ECPAS: variants seen among roughly 807,000 people sequenced by gnomAD.
ECPAS encodes proteasome adapter and scaffold protein ECM29.
Under a neutral mutation model 255.1 loss-of-function variants are expected in ECPAS, and 70 were observed. The ratio of observed to expected loss-of-function variants is 0.27; its 90% CI spans 0.23 to 0.33. The LOEUF (loss-of-function observed/expected upper bound fraction) is 0.33. ECPAS is among the 10% of genes least tolerant of loss of function. ECPAS has a pLI of 1.00. For missense variants in ECPAS, 1,817 were observed against 2,206.4 expected, an observed-to-expected ratio of 0.82 and a Z score of 3.54; for synonymous variants, 784 against 775.0, an observed-to-expected ratio of 1.01 and a Z score of -0.19.
At chr9:111,435,679 CTTTTT>C (rs1163482272) in intron 7 of ECPAS, among the ~76,000 whole-genome samples, 1 of 132,598 alleles carries the variant, frequency 7.5e-6, no homozygotes. Flanking sequence ...TTCAGTAAAT[CTTTTT>C]TTTTTTTTTT....
intron 7 of ECPAS, 121 bp from the exon 8 acceptor site, chr9:111,433,493 G>C (rs1294469439): frequency 1.1e-6 from 1 of 924,706 alleles, no homozygotes; most frequent in Non-Finnish European, 1.7e-6. Flanking sequence ...AACAGTAGCA[G>C]CTCCTACTTA....
chr9:111,481,707 T>C (rs2098305559), intron 1 of ECPAS, among the ~76,000 whole-genome samples: 1 of 152,138 alleles, frequency 6.6e-6, no homozygotes, highest in African/African-American at 2.4e-5. Flanking sequence ...CAAGTGTCCA[T>C]AGACAGATAG....
chr9:111,411,469 C>T (rs2098194326), intron 21 of ECPAS, among the ~76,000 whole-genome samples: 1 of 152,190 alleles, frequency 6.6e-6, no homozygotes, highest in Admixed American at 6.6e-5. Context: ...GCTTACAGCA[C>T]TTATGTAACT....
Position 111,384,521 on chromosome 9 carries a change from C to A in ECPAS, c.3681+1G>T. 1 of 1,613,610 alleles carries A rather than the reference C, an allele frequency of 6.2e-7. No individual in the cohort carries two copies. Among genetic ancestry groups the A allele is most frequent in the Non-Finnish European group, 8.5e-7 (1 of 1,179,554 alleles). On this transcript the variant is annotated splice_donor_variant, in intron 34 of 49. Coordinates refer to ENST00000684092, the MANE Select transcript of ECPAS (RefSeq NM_001364929.1). LOFTEE classifies it high-confidence loss of function. Reference sequence around the variant, plus strand: ...TTCCCAATGTAAGACGGGGTTTTCACCTTGCTCAGAGTTTTCAGAGCTAGT... The same window carrying A: ...TTCCCAATGTAAGACGGGGTTTTCAACTTGCTCAGAGTTTTCAGAGCTAGT...
rs2131444641 is a variant in ECPAS at position 111,362,162 on chromosome 9, T to C, written c.5388A>G (p.Lys1796=). 6.5e-7 allele frequency: 1 copy of C among 1,545,570 alleles called. No individual in the cohort carries two copies. Among genetic ancestry groups the C allele is most frequent in the Non-Finnish European group, 8.7e-7 (1 of 1,155,082 alleles). The change falls in exon 50 of 50, where the codon AAA becomes AAG. Residue 1796 remains lysine (K), a synonymous_variant. Coordinates refer to ENST00000684092, the MANE Select transcript of ECPAS (RefSeq NM_001364929.1). The part of the protein sequence containing the change: ...ELLLKKLEES[K]QWECLTSECR... ...ATTCAGATGTCAAACATTCCCACTG[T>C]TTAGATTCTGCATGAAAAAAAAAAA...
At chr9:111,454,832 T>C (rs1220646754) in intron 2 of ECPAS, among the ~76,000 whole-genome samples, 2 of 152,080 alleles carry the variant, frequency 1.3e-5, no homozygotes, top group Non-Finnish European at 2.9e-5. Context: ...GCCTCCCAAG[T>C]AGCTTGGACT....
At chr9:111,375,467 A>G (rs1309955681) in intron 37 of ECPAS, among the ~76,000 whole-genome samples, 1 of 152,236 alleles carries the variant, frequency 6.6e-6, no homozygotes, top group African/African-American at 2.4e-5. Flanking sequence ...TGATTACTCA[A>G]GAATGAAGAA....
At chr9:111,442,284 T>G in intron 5 of ECPAS, 22 bp downstream of exon 5, 1 of 1,472,808 alleles carries the variant, frequency 6.8e-7, no homozygotes, top group Non-Finnish European at 9.4e-7. Flanking sequence ...GGAGGGAAAT[T>G]AGTTAATTGA....
intron 2 of ECPAS, among the ~76,000 whole-genome samples, chr9:111,466,940 A>G (rs1016742682): frequency 6.6e-6 from 1 of 152,190 alleles, no homozygotes; most frequent in Non-Finnish European, 1.5e-5. Context: ...ATTCAAATTT[A>G]TCTTATTCGC....
At chr9:111,451,391 C>T (rs1390765645) in intron 3 of ECPAS, 34 bp downstream of exon 3, 1 of 1,543,930 alleles carries the variant, frequency 6.5e-7, no homozygotes, top group Non-Finnish European at 8.8e-7. Flanking sequence ...ATTTATTCAT[C>T]ATTTAATTCC....
rs2098163843 is a variant in ECPAS, at chr9:111,393,848, T to C, written c.2923-114A>G. 4 of 806,722 alleles carry C rather than the reference T, an allele frequency of 5.0e-6. No individual in the cohort carries two copies. The East Asian group carries it at 7.7e-5, about 16-fold the overall frequency. The allele number at this position is 806,722 out of a possible 1,614,324, so 50.0% of individuals were successfully genotyped here. On this transcript the variant is annotated intron_variant, in intron 26 of 49. Coordinates refer to ENST00000684092, the MANE Select transcript of ECPAS (RefSeq NM_001364929.1). ...GTCTTATTATCCAAGCCAGTTACAATCGCTGTTTTGCTCTCATCTTTACAG... is the reference window on the plus strand; with the variant it reads ...GTCTTATTATCCAAGCCAGTTACAACCGCTGTTTTGCTCTCATCTTTACAG...
chr9:111,426,637 C>T (rs1328691260), intron 10 of ECPAS, among the ~76,000 whole-genome samples: 1 of 150,590 alleles, frequency 6.6e-6, no homozygotes, highest in Non-Finnish European at 1.5e-5. Flanking sequence ...GGGAGGATCA[C>T]TTGAGCCCAA....
At chr9:111,362,553 T>TA (rs998153086) in intron 49 of ECPAS, among the ~76,000 whole-genome samples, 239 of 144,950 alleles carry the variant, frequency 1.6e-3, no homozygotes, top group African/African-American at 4.8e-3. Flanking sequence ...TACGGTCAGT[T>TA]AAAAAAAAAA....
intron 35 of ECPAS, among the ~76,000 whole-genome samples, chr9:111,381,549 C>T (rs967464021): frequency 6.6e-6 from 1 of 152,216 alleles, no homozygotes; most frequent in African/African-American, 2.4e-5. Context: ...AGCAATCTAA[C>T]TGCACCATTT....
intron 1 of ECPAS, among the ~76,000 whole-genome samples, chr9:111,478,544 C>CAAAT (rs200378116): frequency 4.0e-5 from 6 of 151,324 alleles, no homozygotes; most frequent in African/African-American, 9.8e-5. Flanking sequence ...AAATAATAAA[C>CAAAT]AAATAAATAA....
At chr9:111,401,839 C>G (rs988374303) in intron 24 of ECPAS, among the ~76,000 whole-genome samples, 2 of 152,234 alleles carry the variant, frequency 1.3e-5, no homozygotes, top group Admixed American at 1.3e-4. Flanking sequence ...TTCTGCCCGA[C>G]CCTGCAGGCA....
rs1388700593 is a variant in ECPAS, at chr9:111,442,436, A to G, written c.271-12T>C. The G allele has an allele frequency of 2.8e-6, 4 of 1,449,818 alleles. No homozygotes were observed. Among genetic ancestry groups the G allele is most frequent in the Non-Finnish European group, 3.8e-6 (4 of 1,040,336 alleles). The allele number at this position is 1,449,818 out of a possible 1,614,324, so 89.8% of individuals were successfully genotyped here. On this transcript the variant is annotated splice_polypyrimidine_tract_variant and intron_variant, in intron 4 of 49. Transcript: ENST00000684092. ...ATTATAGTAAAATTCTAATGCAATAAGAGAAAAGCAAGTGAGTGTGAAGGA... is the reference window on the plus strand; with the variant it reads ...ATTATAGTAAAATTCTAATGCAATAGGAGAAAAGCAAGTGAGTGTGAAGGA...
chr9:111,438,115 T>G (rs2098240700), intron 6 of ECPAS, among the ~76,000 whole-genome samples: 1 of 152,206 alleles, frequency 6.6e-6, no homozygotes, highest in Non-Finnish European at 1.5e-5. Flanking sequence ...AAGTTCTCAT[T>G]AGTAAGAAAA....
At chr9:111,453,762 C>A (rs1050129751) in intron 2 of ECPAS, among the ~76,000 whole-genome samples, 16 of 152,070 alleles carry the variant, frequency 1.1e-4, no homozygotes, top group African/African-American at 3.6e-4. Flanking sequence ...ATGAGTACAA[C>A]AACAGAAAAA....
Sources: allele counts gnomAD v4.1 joint callset (sites outside exome capture counted in the v4.1 genomes callset), GRCh38; gene constraint gnomAD v4.1.1; transcripts MANE v1.5; gene names NCBI Gene and HGNC (gene_info 2026-07-23, HGNC 2026-07-21).